PRKN: variants seen among roughly 807,000 people sequenced by gnomAD.
PRKN encodes E3 ubiquitin-protein ligase parkin.
PRKN carries 56 observed loss-of-function variants against 59.5 expected under a neutral mutation model. The ratio of observed to expected loss-of-function variants is 0.94; its 90% confidence interval spans 0.76 to 1.18. The LOEUF is 1.18. Among genes scored for constraint, PRKN ranks in the 50% most tolerant of loss-of-function variants. The pLI is 0.00. For missense variants in PRKN, 657 were observed against 596.4 expected (o/e 1.10, Z -1.06); for synonymous variants, 250 against 222.1 (o/e 1.13, Z -1.12).
intron 9 of PRKN, among the ~76,000 whole-genome samples, chr6:161,450,798 G>A (rs570265640): frequency 6.6e-6 from 1 of 152,194 alleles, no homozygotes; most frequent in East Asian, 1.9e-4. Context: ...CTCGTGATCT[G>A]CCCACCCTGG....
intron 8 of PRKN, among the ~76,000 whole-genome samples, chr6:161,568,738 C>A (rs1040956818): frequency 6.6e-6 from 1 of 152,016 alleles, no homozygotes; most frequent in Non-Finnish European, 1.5e-5. Flanking sequence ...GATCAAGAAA[C>A]GTATTTTTAA....
chr6:162,039,780 TAC>T (rs1031383881), intron 5 of PRKN, among the ~76,000 whole-genome samples: 7 of 152,174 alleles, frequency 4.6e-5, no homozygotes, highest in African/African-American at 1.7e-4. Context: ...AACTATGACG[TAC>T]ACACACATAT....
intron 1 of PRKN, among the ~76,000 whole-genome samples, chr6:162,722,269 A>G (rs886285061): frequency 1.3e-5 from 2 of 152,258 alleles, no homozygotes; most frequent in African/African-American, 4.8e-5. Flanking sequence ...TATTTGGTGA[A>G]AAACAGACAT....
At chr6:162,585,219 T>C (rs1199111404) in intron 1 of PRKN, among the ~76,000 whole-genome samples, 1 of 151,990 alleles carries the variant, frequency 6.6e-6, no homozygotes, top group Non-Finnish European at 1.5e-5. Context: ...TTTCTTGGAC[T>C]ATATTAGAAA....
chr6:161,817,560 C>T (rs1238732413), intron 6 of PRKN, among the ~76,000 whole-genome samples: 1 of 152,188 alleles, frequency 6.6e-6, no homozygotes, highest in African/African-American at 2.4e-5. Context: ...TTTTAAACAT[C>T]CTTACATGGT....
At chr6:161,963,670 A>G in intron 6 of PRKN, among the ~76,000 whole-genome samples, 1 of 152,376 alleles carries the variant, frequency 6.6e-6, no homozygotes, top group South Asian at 2.1e-4. Context: ...TGAGTTAAAT[A>G]ATTAACTCAA....
Position 161,462,263 on chromosome 6 carries a change from A to C in PRKN, c.1084-75386T>G, listed in dbSNP as rs1340712380. ...AGTGAGCCTGAATCATTTACATCTA[A>C]CAATGTTATCTAGACAGCATGCTTT... On this transcript the variant is annotated intron_variant, in intron 9 of 11. Coordinates refer to ENST00000366898, the MANE Select transcript of PRKN (RefSeq NM_004562.3). The surrounding 1 kb of genome is among the most constrained non-coding windows in gnomAD (Gnocchi z 4.5). Among the ~76,000 whole-genome samples, 2 of 152,200 alleles carry C rather than the reference A, an allele frequency of 1.3e-5. No homozygotes were observed. Among genetic ancestry groups the C allele is most frequent in the Admixed American group, 1.3e-4 (2 of 15,290 alleles).
At chr6:162,332,473 A>T (rs150236727) in intron 2 of PRKN, among the ~76,000 whole-genome samples, 2 of 152,172 alleles carry the variant, frequency 1.3e-5, no homozygotes, top group East Asian at 3.9e-4. Context: ...CACATAAATT[A>T]TTTCTGCCAT....
chr6:161,970,399 C>CTATATATATA (rs57166297), intron 6 of PRKN, among the ~76,000 whole-genome samples: 14 of 146,348 alleles, frequency 9.6e-5, no homozygotes, highest in Admixed American at 3.4e-4. Flanking sequence ...TGATACGAAA[C>CTATATATATA]TATATATATA....
intron 7 of PRKN, among the ~76,000 whole-genome samples, chr6:161,742,380 T>C (rs1225335277): frequency 1.3e-5 from 2 of 152,240 alleles, no homozygotes; most frequent in African/African-American, 2.4e-5. Flanking sequence ...TCTCCAGCCA[T>C]GTGGAACGGT....
At chr6:162,581,232 T>A (rs1019205626) in intron 1 of PRKN, among the ~76,000 whole-genome samples, 2 of 152,210 alleles carry the variant, frequency 1.3e-5, no homozygotes, top group African/African-American at 4.8e-5. Context: ...AAAGAGACAG[T>A]TAGATTCATT....
At chr6:161,642,287 T>C (rs1392173314) in intron 7 of PRKN, among the ~76,000 whole-genome samples, 1 of 152,208 alleles carries the variant, frequency 6.6e-6, no homozygotes, top group Non-Finnish European at 1.5e-5. Context: ...AAAATAGATT[T>C]AGAGTTTTCA....
chr6:161,574,638 C>T (rs1781062742), intron 7 of PRKN, among the ~76,000 whole-genome samples: 1 of 152,068 alleles, frequency 6.6e-6, no homozygotes, highest in Non-Finnish European at 1.5e-5. Context: ...GTTAAAAAAT[C>T]ATCTCCGGAA....
At chr6:162,289,554 G>C (rs1018619472) in intron 2 of PRKN, among the ~76,000 whole-genome samples, 1 of 151,822 alleles carries the variant, frequency 6.6e-6, no homozygotes, top group African/African-American at 2.4e-5. Context: ...AAAATTAGCC[G>C]GGCATGATGG....
intron 7 of PRKN, among the ~76,000 whole-genome samples, chr6:161,572,486 G>A (rs547119639): frequency 3.0e-4 from 46 of 151,828 alleles, no homozygotes; most frequent in Non-Finnish European, 4.6e-4. Context: ...ATGATGAAAC[G>A]CTGTTTCTAC....
chr6:161,633,370 C>G (rs1298115567), intron 7 of PRKN, among the ~76,000 whole-genome samples: 2 of 152,224 alleles, frequency 1.3e-5, no homozygotes, highest in Non-Finnish European at 2.9e-5. Flanking sequence ...TCCAAAGAGT[C>G]TACTTCACTT....
intron 9 of PRKN, among the ~76,000 whole-genome samples, chr6:161,441,766 A>G (rs1458833835): frequency 2.0e-5 from 3 of 151,868 alleles, no homozygotes; most frequent in Non-Finnish European, 2.9e-5. Context: ...AAGGCATCCC[A>G]GGGGCCTCAG....
At chr6:161,948,361 G>A (rs1583391239) in intron 6 of PRKN, among the ~76,000 whole-genome samples, 1 of 152,120 alleles carries the variant, frequency 6.6e-6, no homozygotes. Flanking sequence ...CATTTATTCA[G>A]CAGATAGTTA....
At position 161,409,853 on chromosome 6, in the gene PRKN, G is replaced by A. The variant is rs118180358; in HGVS notation, c.1084-22976C>T. 5.2e-4 allele frequency among the ~76,000 whole-genome samples: 79 copies of A among 152,254 alleles called. No homozygotes were observed. The East Asian group carries it at 0.015, about 29-fold the overall frequency. ...GCATTCCTCAGATCAATAGAACTGT[G>A]ATGTATCTATATAAATCTGAGTAGC... On this transcript the variant is annotated intron_variant, in intron 9 of 11. Coordinates refer to ENST00000366898, the MANE Select transcript of PRKN (RefSeq NM_004562.3). The surrounding 1 kb of genome is among the most constrained non-coding windows in gnomAD (Gnocchi z 4.6).
Sources: allele counts gnomAD v4.1 joint callset (sites outside exome capture counted in the v4.1 genomes callset), GRCh38; gene constraint gnomAD v4.1.1; non-coding constraint Gnocchi (gnomAD v3.1); transcripts MANE v1.5; gene names NCBI Gene and HGNC (gene_info 2026-07-23, HGNC 2026-07-21).